The following KSR1 variants were observed in gnomAD, a reference collection of about 807,000 sequenced individuals.
KSR1 encodes the protein kinase suppressor of ras.
KSR1 carries 35 observed loss-of-function variants against 92.9 expected under a neutral mutation model. The observed-to-expected ratio is 0.38, with a 90% confidence interval of 0.29 to 0.50. KSR1 has a LOEUF of 0.50. Ranked by LOEUF, KSR1 falls within the 20% of genes least tolerant of loss-of-function variation. The pLI is 0.94. For missense variants in KSR1, 972 were observed against 1,158.5 expected, an observed-to-expected ratio of 0.84 and a Z score of 2.34; for synonymous variants, 467 against 472.6, an observed-to-expected ratio of 0.99 and a Z score of 0.15.
At chr17:27,560,302 A>G in intron 2 of KSR1, 3 of 373,136 alleles carry the variant, frequency 8.0e-6, no homozygotes, top group Non-Finnish European at 1.1e-5. Flanking sequence ...TCCCGGTTGG[A>G]AGTTGTTGAA....
At chr17:27,494,282 T>G (rs1183247038) in intron 1 of KSR1, among the ~76,000 whole-genome samples, 1 of 152,040 alleles carries the variant, frequency 6.6e-6, no homozygotes, top group Non-Finnish European at 1.5e-5. Context: ...GTATCTGGAA[T>G]TATTCCTGGA....
intron 1 of KSR1, among the ~76,000 whole-genome samples, chr17:27,506,976 T>C (rs2150992199): frequency 6.6e-6 from 1 of 152,320 alleles, no homozygotes; most frequent in South Asian, 2.1e-4. Context: ...CTGCACTGTC[T>C]AGAACTTTCT....
intron 1 of KSR1, among the ~76,000 whole-genome samples, chr17:27,479,893 G>A (rs752886853): frequency 2.9e-4 from 44 of 152,262 alleles, no homozygotes; most frequent in Non-Finnish European, 5.3e-4. Flanking sequence ...CCTGTGCTGC[G>A]GGGGCACCTG....
intron 2 of KSR1, among the ~76,000 whole-genome samples, chr17:27,564,736 A>ACCCCCCCCCCCCC (rs34194473): frequency 9.9e-6 from 1 of 101,384 alleles, no homozygotes; most frequent in Non-Finnish European, 1.9e-5. Flanking sequence ...AAGATGGAAG[A>ACCCCCCCCCCCCC]CCCCCCCCCC....
At chr17:27,483,477 C>T (rs575648660) in intron 1 of KSR1, among the ~76,000 whole-genome samples, 1 of 151,804 alleles carries the variant, frequency 6.6e-6, no homozygotes, top group African/African-American at 2.4e-5. Context: ...ATCCCAGCTA[C>T]TCAGGAGGCT....
chr17:27,531,975 A>G (rs2070557834), intron 1 of KSR1, among the ~76,000 whole-genome samples: 3 of 152,158 alleles, frequency 2.0e-5, no homozygotes, highest in Admixed American at 1.3e-4. Flanking sequence ...GCCATCCAGT[A>G]TGGGGGAAAG....
intron 1 of KSR1, among the ~76,000 whole-genome samples, chr17:27,534,154 G>C (rs1245207337): frequency 1.3e-5 from 2 of 152,156 alleles, no homozygotes; most frequent in African/African-American, 4.8e-5. Context: ...GTTTGGCTCG[G>C]GTGTGCCCAG....
At position 27,621,749 on chromosome 17, in the gene KSR1, C is replaced by T. The variant is rs2151275554; in HGVS notation, c.2708+476C>T. On this transcript the variant is annotated intron_variant, in intron 20 of 20. Transcript: ENST00000644974. ...AGAGGGTTCTTTGTGCCCAGGATCC[C>T]TTCTGAGCATGCAGTGCAGCCAAGC... Among the ~76,000 whole-genome samples, 7 of 152,280 alleles carry T rather than the reference C, an allele frequency of 4.6e-5. No homozygotes were observed. In the East Asian group the frequency reaches 1.2e-3, roughly 25 times the overall value.
At position 27,585,661 on chromosome 17, in the gene KSR1, G is replaced by A; in HGVS notation, c.985G>A (p.Asp329Asn). The change falls in exon 5 of 21, where the codon GAT becomes AAT. Residue 329 changes from aspartate (D) to asparagine (N), a missense_variant and splice_region_variant. Asp to Asn is a conservative substitution (Grantham distance 23, BLOSUM62 1). This residue lies in a region of KSR1 where 611 missense variants were observed against 668.0 expected (regional missense o/e 0.91). Coordinates refer to ENST00000644974, the MANE Select transcript of KSR1 (RefSeq NM_001394583.1). ...RIDDVSSMRF[D>N]LSHGSPQMVR... Reference sequence around the variant, plus strand: ...TCTGCTTTTTGTCTCCTCCAGGTTTGGTAAGAGAGATTCATTTCCATCCCC... The same window carrying A: ...TCTGCTTTTTGTCTCCTCCAGGTTTAGTAAGAGAGATTCATTTCCATCCCC... The A allele has an allele frequency of 1.3e-6, 1 of 764,798 alleles. No homozygotes were observed. The highest frequency in any genetic ancestry group is 2.4e-6 in the Non-Finnish European group (1 of 410,342). 47.4% of individuals were successfully genotyped at this position (764,798 alleles called of 1,614,324 possible).
chr17:27,532,069 C>G (rs1428776729), intron 1 of KSR1, among the ~76,000 whole-genome samples: 1 of 152,190 alleles, frequency 6.6e-6, no homozygotes, highest in Admixed American at 6.5e-5. Flanking sequence ...CTCTCTGGGC[C>G]TCAGTTTCCT....
At chr17:27,509,674 C>CA (rs796737773) in intron 1 of KSR1, among the ~76,000 whole-genome samples, 6 of 120,426 alleles carry the variant, frequency 5.0e-5, no homozygotes, top group South Asian at 2.7e-4. Context: ...AACAAACAAA[C>CA]AACAACAAAA....
At chr17:27,607,488 G>A (rs2151237767) in intron 14 of KSR1, among the ~76,000 whole-genome samples, 1 of 151,702 alleles carries the variant, frequency 6.6e-6, no homozygotes, top group African/African-American at 2.4e-5. Context: ...CTGTGATCAA[G>A]AAAAAATGAA....
intron 1 of KSR1, among the ~76,000 whole-genome samples, chr17:27,548,411 A>T (rs780738263): frequency 1.3e-5 from 2 of 152,194 alleles, no homozygotes; most frequent in African/African-American, 4.8e-5. Flanking sequence ...TTATTAATTC[A>T]TCATTTTTTT....
In KSR1 at chr17:27,597,410, A is replaced by G. The variant is rs2073384668; in HGVS notation, c.1442A>G (p.Gln481Arg). 6.2e-7 allele frequency: 1 copy of G among 1,610,642 alleles called. No homozygotes were observed. Among genetic ancestry groups the G allele is most frequent in the Non-Finnish European group, 8.5e-7 (1 of 1,177,888 alleles). ...ACGCCCCCCAACCCCTCACCTGGCCAGCGGGACAGCAGGTTCAACTTCCCA... is the reference window on the plus strand; with the variant it reads ...ACGCCCCCCAACCCCTCACCTGGCCGGCGGGACAGCAGGTTCAACTTCCCA... ...ATTPPNPSPG[Q>R]RDSRFNFPAA... The change falls in exon 10 of 21, where the codon CAG becomes CGG. Residue 481 changes from glutamine to arginine, a missense_variant. This residue lies in a region of KSR1 where 611 missense variants were observed against 668.0 expected (regional missense o/e 0.91). Transcript: ENST00000644974.
In KSR1 at chr17:27,513,218, C is replaced by T. The variant is rs188708113; in HGVS notation, c.232-37350C>T. ...TTCATTTTCATTGCTGTGTGTTATT[C>T]GATTGACTGATTAGCACAATTTTTC... On this transcript the variant is annotated intron_variant, in intron 1 of 20. Coordinates refer to ENST00000644974, the MANE Select transcript of KSR1 (RefSeq NM_001394583.1). Among the ~76,000 whole-genome samples the T allele has an allele frequency of 5.9e-5, 9 of 152,184 alleles. No homozygotes were observed. The East Asian group carries it at 1.2e-3, about 20-fold the overall frequency.
chr17:27,508,360 T>C (rs1024663053), intron 1 of KSR1, among the ~76,000 whole-genome samples: 4 of 152,192 alleles, frequency 2.6e-5, no homozygotes, highest in Admixed American at 6.5e-5. Flanking sequence ...CTGGGAACTT[T>C]TATCATCCCT....
intron 1 of KSR1, among the ~76,000 whole-genome samples, chr17:27,548,542 C>T (rs773639869): frequency 1.3e-5 from 2 of 150,116 alleles, no homozygotes; most frequent in Non-Finnish European, 3.0e-5. Context: ...ATCTGCCCAC[C>T]TTAGCCTCCG....
chr17:27,524,040 G>A (rs1484424912), intron 1 of KSR1, among the ~76,000 whole-genome samples: 13 of 152,170 alleles, frequency 8.5e-5, no homozygotes, highest in Admixed American at 8.5e-4. Context: ...GGTACCTCTG[G>A]CCCATGCAGG....
intron 2 of KSR1, chr17:27,560,435 A>G (rs910631244): frequency 5.8e-6 from 3 of 518,944 alleles, no homozygotes; most frequent in Admixed American, 3.9e-5. Flanking sequence ...TGGTTCCTGA[A>G]CTGAAGATGC....
Sources: gnomAD v4.1 joint callset for allele counts (sites outside exome capture counted in the v4.1 genomes callset) on GRCh38, gnomAD v4.1.1 for gene constraint, gnomAD v4.1.1 regional missense constraint, MANE v1.5 for transcripts, NCBI Gene and HGNC (gene_info 2026-07-23, HGNC 2026-07-21) for gene names.